Variants in ITGA4 observed in about 807,000 individuals in gnomAD.
ITGA4 encodes integrin subunit alpha 4, also known as integrin alpha-4.
ITGA4 carries 63 observed loss-of-function variants against 133.6 expected under a neutral mutation model. That is an observed-to-expected ratio of 0.47 (90% CI 0.38 to 0.58). The LOEUF (loss-of-function observed/expected upper bound fraction) is 0.58. ITGA4 is among the 20% of genes least tolerant of loss of function. The pLI is 0.00. For synonymous variants in ITGA4, 483 were observed against 438.0 expected (o/e 1.10, Z -1.28); for missense variants, 1,076 against 1,252.7 (o/e 0.86, Z 2.13).
At chr2:181,489,674 A>G (rs1686000784) in intron 10 of ITGA4, among the ~76,000 whole-genome samples, 1 of 152,186 alleles carries the variant, frequency 6.6e-6, no homozygotes, top group Non-Finnish European at 1.5e-5. Context: ...TTATTTGTTT[A>G]TAGGGTACAA....
intron 7 of ITGA4, among the ~76,000 whole-genome samples, chr2:181,482,048 C>G (rs574357566): frequency 5.3e-5 from 8 of 152,276 alleles, no homozygotes; most frequent in African/African-American, 1.7e-4. Context: ...TTAGTTTTTG[C>G]TGTGTCGCTA....
At chr2:181,525,532 G>A (rs1195976366) in intron 21 of ITGA4, among the ~76,000 whole-genome samples, 2 of 152,122 alleles carry the variant, frequency 1.3e-5, no homozygotes, top group Admixed American at 6.6e-5. Context: ...CTTACTGTGA[G>A]AGCCCCAACA....
At position 181,458,460 on chromosome 2, in the gene ITGA4, T is replaced by C; in HGVS notation, c.319+143T>C. 4 of 868,410 alleles carry C rather than the reference T, an allele frequency of 4.6e-6. No homozygotes were observed. In the South Asian group the frequency reaches 4.9e-5, roughly 11 times the overall value. The allele number at this position is 868,410 out of a possible 1,614,324, so 53.8% of individuals were successfully genotyped here. A position where few individuals can be genotyped will look rare whatever the true frequency, so the allele number is the denominator to read the frequency against. ...AGTTTTCAGTTTCAACTCCATCTCA[T>C]CTTGCCTCCTTAATATAAAAGGGAT... On this transcript the variant is annotated intron_variant, in intron 2 of 27. Transcript: ENST00000397033.
chr2:181,460,566 A>AATATGTGTGTGTGT (rs79689303), intron 2 of ITGA4, among the ~76,000 whole-genome samples: 357 of 148,060 alleles, frequency 2.4e-3, no homozygotes, highest in African/African-American at 8.4e-3. Context: ...TCTGTAGAAG[A>AATATGTGTGTGTGT]GTGTGTGTGT....
In ITGA4 at chr2:181,538,289, T is replaced by C. The variant is rs1687301001; in HGVS notation, c.*2762T>C. ...TTTCATCAACTTATTTTGTTGTTTT[T>C]CACATACACCTAATAAGTATGGTAC... On this transcript the variant is annotated 3_prime_UTR_variant, in exon 28 of 28. Coordinates refer to ENST00000397033, the MANE Select transcript of ITGA4 (RefSeq NM_000885.6). 3 of 1,138,136 alleles carry C rather than the reference T, an allele frequency of 2.6e-6. No homozygotes were observed. The highest frequency in any genetic ancestry group is 3.1e-5 in the African/African-American group (2 of 65,478). 70.5% of individuals were successfully genotyped at this position (1,138,136 alleles called of 1,614,324 possible). A position where few individuals can be genotyped will look rare whatever the true frequency, so the allele number is the denominator to read the frequency against.
At chr2:181,458,687 G>A in intron 2 of ITGA4, 1 of 230,850 alleles carries the variant, frequency 4.3e-6, no homozygotes, top group African/African-American at 2.2e-5. Flanking sequence ...TTCCATCTTT[G>A]ACCTATCAAC....
At chr2:181,489,880 G>C (rs541659290) in intron 10 of ITGA4, among the ~76,000 whole-genome samples, 1 of 152,222 alleles carries the variant, frequency 6.6e-6, no homozygotes, top group African/African-American at 2.4e-5. Flanking sequence ...TTCGGACGCC[G>C]AGTTAAAGAA....
chr2:181,492,390 A>G (rs1686069763), intron 10 of ITGA4, among the ~76,000 whole-genome samples: 1 of 152,238 alleles, frequency 6.6e-6, no homozygotes, highest in South Asian at 2.1e-4. Context: ...AGTAGCCCAA[A>G]ATTACCACTA....
chr2:181,514,673 T>G (rs1353321191), intron 17 of ITGA4, among the ~76,000 whole-genome samples: 2 of 152,102 alleles, frequency 1.3e-5, no homozygotes, highest in African/African-American at 4.8e-5. Context: ...GGGAAATCTT[T>G]TCTAAGCTGC....
intron 2 of ITGA4, among the ~76,000 whole-genome samples, chr2:181,461,466 C>A (rs1247830477): frequency 6.6e-6 from 1 of 151,652 alleles, no homozygotes; most frequent in African/African-American, 2.4e-5. Context: ...TCTGAGGAGA[C>A]CCAGGTGATT....
chr2:181,513,520 C>T (rs1394856140), intron 17 of ITGA4, among the ~76,000 whole-genome samples: 1 of 152,128 alleles, frequency 6.6e-6, no homozygotes, highest in East Asian at 1.9e-4. Context: ...ACCACTATTA[C>T]TCCAAACTAG....
intron 22 of ITGA4, among the ~76,000 whole-genome samples, chr2:181,528,012 G>A (rs947544096): frequency 6.6e-6 from 1 of 152,262 alleles, no homozygotes; most frequent in Admixed American, 6.5e-5. Context: ...AGATGTTGGT[G>A]ATTAGTAAAT....
At chr2:181,470,855 A>G (rs1484046808) in intron 2 of ITGA4, among the ~76,000 whole-genome samples, 2 of 152,148 alleles carry the variant, frequency 1.3e-5, no homozygotes, top group Non-Finnish European at 2.9e-5. Context: ...AGCCTAGATG[A>G]CAGAGTGAGA....
intron 15 of ITGA4, among the ~76,000 whole-genome samples, chr2:181,502,319 T>C (rs1447699427): frequency 2.0e-5 from 3 of 152,056 alleles, no homozygotes; most frequent in African/African-American, 4.8e-5. Flanking sequence ...GAAATGGAGC[T>C]GGGGGTCAGT....
intron 2 of ITGA4, among the ~76,000 whole-genome samples, chr2:181,460,587 G>A (rs1288059048): frequency 1.3e-5 from 2 of 151,990 alleles, no homozygotes; most frequent in African/African-American, 4.8e-5. Context: ...GTGTGTGTGT[G>A]TGTGTGTGTG....
chr2:181,533,120 G>C (rs1469868414), intron 25 of ITGA4, among the ~76,000 whole-genome samples: 3 of 152,150 alleles, frequency 2.0e-5, no homozygotes, highest in African/African-American at 7.2e-5. Context: ...GTATATTTAT[G>C]AGGAGTAGTT....
chr2:181,503,403 T>A (rs1176740783), intron 15 of ITGA4, among the ~76,000 whole-genome samples: 1 of 152,080 alleles, frequency 6.6e-6, no homozygotes, highest in Admixed American at 6.6e-5. Context: ...AGATTTTTGT[T>A]CTGGCATGTT....
chr2:181,457,972 C>T lies in ITGA4; in HGVS notation c.197+121C>T, dbSNP rs946547327. 3.0e-5 allele frequency: 35 copies of T among 1,147,816 alleles called. No individual in the cohort carries two copies. In the African/African-American group the frequency reaches 4.5e-4, roughly 15 times the overall value. 71.1% of individuals were successfully genotyped at this position (1,147,816 alleles called of 1,614,324 possible). A position where few individuals can be genotyped will look rare whatever the true frequency, so the allele number is the denominator to read the frequency against. ...CCAAGGAGGCAGGAGGGAAACGCTG[C>T]GAGAGCCAGCTCGCTGGAAATCTGC... On this transcript the variant is annotated intron_variant, in intron 1 of 27. Transcript: ENST00000397033.
chr2:181,464,734 G>A (rs898568388), intron 2 of ITGA4, among the ~76,000 whole-genome samples: 11 of 152,010 alleles, frequency 7.2e-5, no homozygotes, highest in Admixed American at 2.6e-4. Flanking sequence ...GTCTAGGTCC[G>A]CCTTGGGTTC....
Sources: gnomAD v4.1 joint callset for allele counts (sites outside exome capture counted in the v4.1 genomes callset) on GRCh38, gnomAD v4.1.1 for gene constraint, MANE v1.5 for transcripts, NCBI Gene and HGNC (gene_info 2026-07-23, HGNC 2026-07-21) for gene names.